The following DPP6 variants were observed in gnomAD, a reference collection of about 807,000 sequenced individuals.
DPP6 encodes dipeptidyl peptidase like 6, also known as A-type potassium channel modulatory protein DPP6.
A neutral mutation model predicts 122.6 loss-of-function variants in DPP6; 69 were observed. That is an observed-to-expected ratio of 0.56 (90% CI 0.46 to 0.69). DPP6 has a LOEUF of 0.69. Among genes scored for constraint, DPP6 ranks in the 30% least tolerant of loss-of-function variants. DPP6 has a pLI of 0.00. For synonymous variants in DPP6, 418 were observed against 433.1 expected (o/e 0.97, Z 0.43); for missense variants, 928 against 1,116.9 (o/e 0.83, Z 2.41).
chr7:154,181,849 A>C (rs990463923), intron 1 of DPP6, among the ~76,000 whole-genome samples: 3 of 151,274 alleles, frequency 2.0e-5, no homozygotes, highest in African/African-American at 7.3e-5. Flanking sequence ...TCCCTGTTCA[A>C]GTGATTCTCC....
chr7:154,234,977 G>T (rs1801119474), intron 1 of DPP6, among the ~76,000 whole-genome samples: 1 of 152,172 alleles, frequency 6.6e-6, no homozygotes, highest in Non-Finnish European at 1.5e-5. Context: ...ACAGCAGATG[G>T]CCATTGTATG....
intron 1 of DPP6, among the ~76,000 whole-genome samples, chr7:154,005,915 C>T (rs1415981790): frequency 6.6e-6 from 1 of 152,132 alleles, no homozygotes; most frequent in Admixed American, 6.5e-5. Flanking sequence ...GCCACTCAGC[C>T]AGCACTACCT....
chr7:154,317,892 T>C (rs551433928), intron 1 of DPP6, among the ~76,000 whole-genome samples: 2 of 152,226 alleles, frequency 1.3e-5, no homozygotes, highest in African/African-American at 2.4e-5. Context: ...TCAAGATTGC[T>C]GTGAGTGGAG....
Position 154,772,918 on chromosome 7 carries a change from T to C in DPP6, c.1112T>C (p.Met371Thr). 1 of 1,609,600 alleles carries C rather than the reference T, an allele frequency of 6.2e-7. No individual in the cohort carries two copies. Among genetic ancestry groups the C allele is most frequent in the Non-Finnish European group, 8.5e-7 (1 of 1,178,168 alleles). The change falls in exon 10 of 26, where the codon ATG becomes ACG. Residue 371 changes from methionine (M) to threonine (T), a missense_variant. Transcript: ENST00000377770. ...LNGPTHDLEM[M>T]PPDDPRMREY... ...GGACCCACCCATGATCTGGAGATGA[T>C]GCCGCCTGATGATCCACGGATGAGG...
intron 1 of DPP6, among the ~76,000 whole-genome samples, chr7:154,322,048 C>T (rs1267698433): frequency 6.7e-6 from 1 of 149,746 alleles, no homozygotes; most frequent in Non-Finnish European, 1.5e-5. Flanking sequence ...ACCCCCAACC[C>T]CCAACCCCCA....
chr7:154,543,878 CA>C (rs1326505371), intron 4 of DPP6, among the ~76,000 whole-genome samples: 2 of 151,128 alleles, frequency 1.3e-5, no homozygotes, highest in Admixed American at 1.3e-4. Context: ...CCTGTAATCC[CA>C]CCTACTTGGG....
At chr7:154,160,559 C>T (rs1040753708) in intron 1 of DPP6, among the ~76,000 whole-genome samples, 4 of 152,136 alleles carry the variant, frequency 2.6e-5, no homozygotes, top group East Asian at 1.9e-4. Context: ...GACACATGGC[C>T]GTGAGAGGAT....
chr7:154,159,204 C>T lies in DPP6; in HGVS notation c.243+106141C>T, dbSNP rs140061163. On this transcript the variant is annotated intron_variant, in intron 1 of 25. Coordinates refer to ENST00000377770, the MANE Select transcript of DPP6 (RefSeq NM_130797.4). ...CCCTCCCATCCCCGAGCCCCTGCTC[C>T]GTGGTTCCTGGCACCTCTCTTGGCC... Among the ~76,000 whole-genome samples, 40 of 152,318 alleles carry T rather than the reference C, an allele frequency of 2.6e-4. 1 individual carries two copies. Among genetic ancestry groups the T allele is most frequent in the African/African-American group, 8.4e-4 (35 of 41,566 alleles).
chr7:154,890,781 G>T (rs1289818336), intron 25 of DPP6: 1 of 152,192 alleles, frequency 6.6e-6, no homozygotes, highest in Admixed American at 6.5e-5. Context: ...GGAGGAGAAA[G>T]CTTCCTGCCC....
chr7:154,800,361 A>G (rs988386793), intron 12 of DPP6, among the ~76,000 whole-genome samples: 1 of 152,318 alleles, frequency 6.6e-6, no homozygotes, highest in South Asian at 2.1e-4. Context: ...TTTATTTACC[A>G]TTAGTTCTCA....
At chr7:154,318,863 G>A (rs1418730407) in intron 1 of DPP6, among the ~76,000 whole-genome samples, 2 of 152,222 alleles carry the variant, frequency 1.3e-5, no homozygotes, top group African/African-American at 4.8e-5. Context: ...GGAGAACCTG[G>A]CCATTCGAGG....
chr7:154,449,956 TTGAGATCGTGCCATTGCATTCCAGCC>T (rs1441207717), intron 2 of DPP6, among the ~76,000 whole-genome samples: 1 of 151,726 alleles, frequency 6.6e-6, no homozygotes, highest in Non-Finnish European at 1.5e-5. Flanking sequence ...TTGCAGTGAG[TTGAGATCGTGCCATTGCATTCCAGCC>T]TGGGTGACAG....
intron 1 of DPP6, among the ~76,000 whole-genome samples, chr7:153,906,283 T>G (rs549972773): frequency 6.6e-6 from 1 of 152,282 alleles, no homozygotes; most frequent in East Asian, 1.9e-4. Flanking sequence ...CTGGGCTTTT[T>G]GTGTGCTCAT....
chr7:153,921,863 A>C (rs879629), intron 1 of DPP6, among the ~76,000 whole-genome samples: 55,444 of 152,172 alleles, frequency 0.36, 10,190 homozygotes, highest in African/African-American at 0.42. Context: ...AAGTATCTGC[A>C]AGGCGAGAAA....
At chr7:154,085,418 T>C (rs1238738552) in intron 1 of DPP6, among the ~76,000 whole-genome samples, 1 of 152,224 alleles carries the variant, frequency 6.6e-6, no homozygotes. Context: ...TGATGAGTCA[T>C]TAATGCATCT....
intron 1 of DPP6, among the ~76,000 whole-genome samples, chr7:154,429,401 A>C (rs866762670): frequency 6.6e-6 from 1 of 152,182 alleles, no homozygotes; most frequent in Non-Finnish European, 1.5e-5. Context: ...TCACCTTTCA[A>C]GGGAAGAAAA....
At chr7:154,467,496 C>T (rs1338782159) in intron 2 of DPP6, among the ~76,000 whole-genome samples, 1 of 152,200 alleles carries the variant, frequency 6.6e-6, no homozygotes, top group African/African-American at 2.4e-5. Flanking sequence ...GTCACCATGT[C>T]ACAAAGGGTG....
intron 1 of DPP6, among the ~76,000 whole-genome samples, chr7:154,060,230 T>G (rs1801521224): frequency 7.4e-6 from 1 of 134,930 alleles, no homozygotes; most frequent in Non-Finnish European, 1.6e-5. Flanking sequence ...CCCTTTGCTC[T>G]TAGGATCCCC....
intron 10 of DPP6, among the ~76,000 whole-genome samples, chr7:154,776,635 G>A (rs1016057816): frequency 2.6e-5 from 4 of 152,188 alleles, no homozygotes; most frequent in African/African-American, 9.7e-5. Context: ...AACCTTGGCT[G>A]GATGGATGTA....
Sources: gnomAD v4.1 joint callset for allele counts (sites outside exome capture counted in the v4.1 genomes callset) on GRCh38, gnomAD v4.1.1 for gene constraint, MANE v1.5 for transcripts, NCBI Gene and HGNC (gene_info 2026-07-23, HGNC 2026-07-21) for gene names.